The following ZSWIM5 variants were observed in gnomAD, a reference collection of about 807,000 sequenced individuals.
The protein encoded by ZSWIM5 is zinc finger SWIM-type containing 5.
In ZSWIM5, 55 loss-of-function variants were observed where a neutral mutation model predicts 119.6. The observed-to-expected ratio is 0.46, with a 90% CI of 0.37 to 0.58. ZSWIM5 has a LOEUF of 0.58. Among genes scored for constraint, ZSWIM5 ranks in the 20% least tolerant of loss-of-function variants. The pLI, the probability that ZSWIM5 is intolerant of heterozygous loss-of-function variation, is 0.00. For synonymous variants in ZSWIM5, 537 were observed against 606.9 expected (o/e 0.88, Z 1.69); for missense variants, 1,193 against 1,512.8 (o/e 0.79, Z 3.51).
At position 45,147,178 on chromosome 1, in the gene ZSWIM5, G is replaced by A. The variant is rs1466559612; in HGVS notation, c.595+58578C>T. Among the ~76,000 whole-genome samples the A allele has an allele frequency of 3.3e-5, 5 of 151,518 alleles. No homozygotes were observed. The East Asian group carries it at 7.7e-4, about 23-fold the overall frequency. On this transcript the variant is annotated intron_variant, in intron 1 of 13. Coordinates refer to ENST00000359600, the MANE Select transcript of ZSWIM5 (RefSeq NM_020883.2). Reference sequence around the variant, plus strand: ...CAACCTCTGCCTCTCAGGCTCAGGAGAACTCCTGACTCAGCTTCCTGAGTA... The same window carrying A: ...CAACCTCTGCCTCTCAGGCTCAGGAAAACTCCTGACTCAGCTTCCTGAGTA...
intron 1 of ZSWIM5, among the ~76,000 whole-genome samples, chr1:45,169,432 G>T (rs1645931033): frequency 6.6e-6 from 1 of 151,960 alleles, no homozygotes. Context: ...ACTTAAAAAA[G>T]ATATGTAACT....
chr1:45,128,054 C>G (rs1456565012), intron 1 of ZSWIM5, among the ~76,000 whole-genome samples: 1 of 152,140 alleles, frequency 6.6e-6, no homozygotes, highest in Non-Finnish European at 1.5e-5. Flanking sequence ...AATGTCAATT[C>G]TTTCTAAATG....
intron 1 of ZSWIM5, among the ~76,000 whole-genome samples, chr1:45,148,652 T>C (rs1040737306): frequency 6.6e-6 from 1 of 152,234 alleles, no homozygotes; most frequent in Non-Finnish European, 1.5e-5. Context: ...TTTCTTTTAA[T>C]GTATAACCAA....
rs1187813006 is a variant in ZSWIM5 at position 45,018,311 on chromosome 1, C to T, written c.*143G>A. ...GCATTATCGACTAGAGCTGGACTTT[C>T]CCCATCCTTAGCCCTGTGGTCCTTT... is the stretch of plus-strand genomic sequence containing the variant. On this transcript the variant is annotated 3_prime_UTR_variant, in exon 14 of 14. Transcript: ENST00000359600. The surrounding 1 kb of genome is among the most constrained non-coding windows in gnomAD (Gnocchi z 6.7). 8.8e-6 allele frequency: 9 copies of T among 1,022,260 alleles called. No individual in the cohort carries two copies. The highest frequency in any genetic ancestry group is 1.3e-5 in the Non-Finnish European group (9 of 712,386). The allele number at this position is 1,022,260 out of a possible 1,614,324, so 63.3% of individuals were successfully genotyped here.
chr1:45,206,092 C>A lies in ZSWIM5; in HGVS notation c.259G>T (p.Glu87Ter), dbSNP rs370878178. Reference protein sequence around the residue: ...WAYERVEERFERIPEPVQRRI... With the variant: ...WAYERVEERF ...CGCTGCACGGGCTCCGGGATCCGCT[C>A]GAAGCGCTCCTCCACCCGTTCGTAT... Residue 87 changes from glutamate (E) to a stop codon, truncating the protein, a stop_gained, in exon 1 of 14, where the codon GAG becomes TAG. Coordinates refer to ENST00000359600, the MANE Select transcript of ZSWIM5 (RefSeq NM_020883.2). LOFTEE classifies it high-confidence loss of function. 2 of 1,611,726 alleles carry A rather than the reference C, an allele frequency of 1.2e-6. No individual in the cohort carries two copies. The highest frequency in any genetic ancestry group is 2.7e-5 in the African/African-American group (2 of 74,818).
At chr1:45,053,131 A>C (rs944201192) in intron 4 of ZSWIM5, among the ~76,000 whole-genome samples, 6 of 150,260 alleles carry the variant, frequency 4.0e-5, no homozygotes, top group Non-Finnish European at 5.9e-5. Context: ...CTCAAACAAA[A>C]AAAAAAAAAA....
At chr1:45,033,162 G>A (rs1644963226) in intron 11 of ZSWIM5, among the ~76,000 whole-genome samples, 1 of 152,096 alleles carries the variant, frequency 6.6e-6, no homozygotes, top group Non-Finnish European at 1.5e-5. Flanking sequence ...AGTAAAAAAT[G>A]TTATCTCAGG....
At chr1:45,083,083 G>A (rs1361636563) in intron 2 of ZSWIM5, among the ~76,000 whole-genome samples, 3 of 152,118 alleles carry the variant, frequency 2.0e-5, no homozygotes, top group East Asian at 3.8e-4. Context: ...GGTCAGCGTA[G>A]AACAGCCTCT....
intron 1 of ZSWIM5, among the ~76,000 whole-genome samples, chr1:45,159,267 ATATT>A (rs1317690412): frequency 2.6e-5 from 4 of 152,104 alleles, no homozygotes; most frequent in South Asian, 2.1e-4. Context: ...TTCTGTTCCC[ATATT>A]TATTTATTGC....
At chr1:45,144,203 A>C (rs1645747448) in intron 1 of ZSWIM5, among the ~76,000 whole-genome samples, 1 of 152,148 alleles carries the variant, frequency 6.6e-6, no homozygotes, top group East Asian at 1.9e-4. Context: ...AGGGAAGAAT[A>C]AAGTTAGAGG....
At chr1:45,125,348 G>C (rs1007966828) in intron 1 of ZSWIM5, among the ~76,000 whole-genome samples, 1 of 151,760 alleles carries the variant, frequency 6.6e-6, no homozygotes, top group African/African-American at 2.4e-5. Flanking sequence ...AATAATCCAG[G>C]GGTCAAAGAA....
At chr1:45,171,684 C>T (rs780987855) in intron 1 of ZSWIM5, among the ~76,000 whole-genome samples, 6 of 152,090 alleles carry the variant, frequency 3.9e-5, no homozygotes, top group Middle Eastern at 3.4e-3. Context: ...ATCAAAGGGG[C>T]TTTGTAAGAG....
intron 4 of ZSWIM5, 44 bp from the exon 5 acceptor site, chr1:45,051,297 T>C: frequency 1.3e-6 from 2 of 1,574,208 alleles, no homozygotes; most frequent in Non-Finnish European, 1.7e-6. Context: ...TCTCCTTTGA[T>C]GTGTGTGTAA....
At chr1:45,029,340 T>C (rs536709523) in intron 11 of ZSWIM5, among the ~76,000 whole-genome samples, 2 of 152,348 alleles carry the variant, frequency 1.3e-5, no homozygotes, top group Admixed American at 1.3e-4. Context: ...TATTTTGTAG[T>C]ATGTCCTTTA....
At position 45,019,321 on chromosome 1, in the gene ZSWIM5, C is replaced by A; in HGVS notation, c.2696-5G>T. On this transcript the variant is annotated splice_polypyrimidine_tract_variant and splice_region_variant and intron_variant, in intron 13 of 13. Coordinates refer to ENST00000359600, the MANE Select transcript of ZSWIM5 (RefSeq NM_020883.2). The surrounding 1 kb of genome is among the most constrained non-coding windows in gnomAD (Gnocchi z 5.0). Reference sequence around the variant, plus strand: ...TGCTCACCAGGGCCCGCACACCTGTCAGGGGGAGCCTGAGCTCAGCCGTGG... The same window carrying A: ...TGCTCACCAGGGCCCGCACACCTGTAAGGGGGAGCCTGAGCTCAGCCGTGG... 6.2e-7 allele frequency: 1 copy of A among 1,604,608 alleles called. No homozygotes were observed. The highest frequency in any genetic ancestry group is 1.1e-5 in the South Asian group (1 of 90,738).
At chr1:45,022,205 AC>A (rs1485175572) in intron 11 of ZSWIM5, among the ~76,000 whole-genome samples, 1 of 150,192 alleles carries the variant, frequency 6.7e-6, no homozygotes, top group Non-Finnish European at 1.5e-5. Flanking sequence ...ATCTTGGCTC[AC>A]TGCAAGCTCC....
intron 1 of ZSWIM5, among the ~76,000 whole-genome samples, chr1:45,146,391 A>T: frequency 7.0e-6 from 1 of 143,664 alleles, no homozygotes. Context: ...AACTGATTTG[A>T]AAAAAAAAAA....
chr1:45,044,788 TAA>T (rs1458283966), intron 5 of ZSWIM5, among the ~76,000 whole-genome samples: 60 of 2,384 alleles, frequency 0.025, 16 homozygotes, highest in Non-Finnish European at 0.037. Context: ...TATATATATA[TAA>T]ATATATATAT....
At chr1:45,064,963 G>A (rs1645174797) in intron 2 of ZSWIM5, among the ~76,000 whole-genome samples, 1 of 152,162 alleles carries the variant, frequency 6.6e-6, no homozygotes, top group South Asian at 2.1e-4. Flanking sequence ...TCTGAAGATA[G>A]CCAAATCCCA....
Sources: allele counts gnomAD v4.1 joint callset (sites outside exome capture counted in the v4.1 genomes callset), GRCh38; gene constraint gnomAD v4.1.1; non-coding constraint Gnocchi (gnomAD v3.1); transcripts MANE v1.5; gene names NCBI Gene and HGNC (gene_info 2026-07-23, HGNC 2026-07-21).